The following PPP3CC variants were observed in gnomAD, a reference collection of about 807,000 sequenced individuals.
PPP3CC encodes the protein protein phosphatase 3 catalytic subunit gamma.
PPP3CC carries 35 observed loss-of-function variants against 60.3 expected under a neutral mutation model. That is an observed-to-expected ratio of 0.58 (90% CI 0.44 to 0.77). The LOEUF (loss-of-function observed/expected upper bound fraction) is 0.77. PPP3CC is among the 30% of genes least tolerant of loss of function. The probability of loss-of-function intolerance (pLI) is 0.00; values close to 1 mark genes in which losing one functional copy is unlikely to be tolerated. For missense variants in PPP3CC, 570 were observed against 628.9 expected (o/e 0.91, Z 1.00); for synonymous variants, 206 against 224.3 (o/e 0.92, Z 0.73).
intron 1 of PPP3CC, 129 bp downstream of exon 1, chr8:22,441,587 G>A: frequency 3.9e-6 from 4 of 1,034,746 alleles, no homozygotes; most frequent in Non-Finnish European, 5.1e-6. Flanking sequence ...GGTGTAGACA[G>A]AGCCGGGCGG....
intron 6 of PPP3CC, among the ~76,000 whole-genome samples, chr8:22,514,548 G>A (rs1839188128): frequency 6.6e-6 from 1 of 151,592 alleles, no homozygotes; most frequent in Non-Finnish European, 1.5e-5. Context: ...GAGATATTTT[G>A]ATATAGTCAT....
At position 22,483,097 on chromosome 8, in the gene PPP3CC, A is replaced by G. The variant is rs191758922; in HGVS notation, c.372+7473A>G. On this transcript the variant is annotated intron_variant, in intron 3 of 13. Coordinates refer to ENST00000240139, the MANE Select transcript of PPP3CC (RefSeq NM_005605.5). Reference sequence around the variant, plus strand: ...AGGTATACATTTGAGAAGTTTCAAAAAGAAACAGATTTCAGAATTAAGTAT... The same window carrying G: ...AGGTATACATTTGAGAAGTTTCAAAGAGAAACAGATTTCAGAATTAAGTAT... 1.4e-4 allele frequency among the ~76,000 whole-genome samples: 22 copies of G among 152,320 alleles called. No individual in the cohort carries two copies. The South Asian group carries it at 2.1e-3, about 14-fold the overall frequency.
intron 1 of PPP3CC, among the ~76,000 whole-genome samples, chr8:22,442,372 A>G (rs770550575): frequency 2.0e-5 from 3 of 152,236 alleles, no homozygotes; most frequent in Non-Finnish European, 4.4e-5. Flanking sequence ...GGGGAAAATT[A>G]TTAAGATACT....
chr8:22,493,367 C>G (rs1239996711), intron 3 of PPP3CC, among the ~76,000 whole-genome samples: 2 of 149,602 alleles, frequency 1.3e-5, no homozygotes, highest in East Asian at 3.9e-4. Context: ...AGTTCTTTGC[C>G]TAGTATACCA....
At chr8:22,470,282 T>C (rs1262979389) in intron 1 of PPP3CC, among the ~76,000 whole-genome samples, 1 of 152,042 alleles carries the variant, frequency 6.6e-6, no homozygotes, top group African/African-American at 2.4e-5. Context: ...CCACGATGCC[T>C]GGCCCTGCAG....
intron 3 of PPP3CC, among the ~76,000 whole-genome samples, chr8:22,484,619 G>A (rs569250548): frequency 2.6e-5 from 4 of 152,168 alleles, no homozygotes; most frequent in Non-Finnish European, 5.9e-5. Context: ...AGTTAATTGT[G>A]GAAATATGAC....
Position 22,459,890 on chromosome 8 carries a change from C to T in PPP3CC, c.50-15064C>T, listed in dbSNP as rs142872778. On this transcript the variant is annotated intron_variant, in intron 1 of 13. Transcript: ENST00000240139. ...GGTCATAGAAGGCATGAACCATAAACGCTGACAATTGGACTTTTGAAAAAT... is the reference window on the plus strand; with the variant it reads ...GGTCATAGAAGGCATGAACCATAAATGCTGACAATTGGACTTTTGAAAAAT... 5.0e-3 allele frequency among the ~76,000 whole-genome samples: 757 copies of T among 152,124 alleles called. 6 individuals carry two copies. Among genetic ancestry groups the T allele is most frequent in the African/African-American group, 0.017 (686 of 41,488 alleles).
intron 3 of PPP3CC, among the ~76,000 whole-genome samples, chr8:22,491,494 T>C (rs1838404566): frequency 6.6e-6 from 1 of 152,244 alleles, no homozygotes; most frequent in Non-Finnish European, 1.5e-5. Context: ...GAGTTTCTTA[T>C]GTGACCTTTC....
intron 1 of PPP3CC, among the ~76,000 whole-genome samples, chr8:22,455,557 TAA>T (rs1165967911): frequency 6.6e-6 from 1 of 152,250 alleles, no homozygotes; most frequent in East Asian, 1.9e-4. Context: ...GCTGGAGTAA[TAA>T]AGATAGTTGG....
chr8:22,512,289 G>A (rs932450144), intron 5 of PPP3CC, among the ~76,000 whole-genome samples: 2 of 152,142 alleles, frequency 1.3e-5, no homozygotes, highest in Non-Finnish European at 2.9e-5. Context: ...TAAGTAACCA[G>A]CATTTCTCTT....
chr8:22,501,966 A>G (rs535445799), intron 4 of PPP3CC, among the ~76,000 whole-genome samples: 7 of 152,312 alleles, frequency 4.6e-5, no homozygotes, highest in Non-Finnish European at 7.4e-5. Flanking sequence ...GTTTGAGATT[A>G]CAGTGGGCTA....
At chr8:22,461,618 C>G (rs1233037551) in intron 1 of PPP3CC, among the ~76,000 whole-genome samples, 2 of 151,928 alleles carry the variant, frequency 1.3e-5, no homozygotes, top group Non-Finnish European at 1.5e-5. Context: ...CACCAAAGAC[C>G]ACCAAGAAAA....
At chr8:22,463,540 A>C (rs1837426009) in intron 1 of PPP3CC, among the ~76,000 whole-genome samples, 1 of 152,200 alleles carries the variant, frequency 6.6e-6, no homozygotes, top group Non-Finnish European at 1.5e-5. Flanking sequence ...AACCAGCATT[A>C]TCAGAATGGA....
intron 1 of PPP3CC, among the ~76,000 whole-genome samples, chr8:22,450,911 C>T (rs1477664859): frequency 2.0e-5 from 3 of 151,298 alleles, no homozygotes; most frequent in Non-Finnish European, 4.4e-5. Context: ...CCACGGCTCA[C>T]TGAAAGCTCC....
chr8:22,513,565 C>A, intron 6 of PPP3CC, 133 bp downstream of exon 6: 2 of 1,007,114 alleles, frequency 2.0e-6, no homozygotes, highest in Non-Finnish European at 2.7e-6. Flanking sequence ...TAATAGGAGG[C>A]AAGAAACTTG....
intron 1 of PPP3CC, among the ~76,000 whole-genome samples, chr8:22,442,823 T>C (rs1239564162): frequency 6.6e-6 from 1 of 152,202 alleles, no homozygotes; most frequent in African/African-American, 2.4e-5. Flanking sequence ...ACTGTGCTGT[T>C]AATATGGCCG....
intron 1 of PPP3CC, among the ~76,000 whole-genome samples, chr8:22,466,635 G>A (rs1837530123): frequency 6.6e-6 from 1 of 152,224 alleles, no homozygotes; most frequent in Admixed American, 6.5e-5. Flanking sequence ...TTTGAGAAGT[G>A]TCTGTTCATA....
intron 10 of PPP3CC, among the ~76,000 whole-genome samples, chr8:22,529,628 C>T (rs1364975063): frequency 3.9e-5 from 6 of 152,038 alleles, no homozygotes; most frequent in East Asian, 1.9e-4. Flanking sequence ...GGATTATAGG[C>T]GCGTGCCACC....
chr8:22,504,392 CCTGGG>C (rs1252757824), intron 4 of PPP3CC, among the ~76,000 whole-genome samples: 1 of 152,046 alleles, frequency 6.6e-6, no homozygotes, highest in East Asian at 1.9e-4. Flanking sequence ...ACTTTGAACT[CCTGGG>C]CTTAAGTGAT....
Sources: gnomAD v4.1 joint callset for allele counts (sites outside exome capture counted in the v4.1 genomes callset) on GRCh38, gnomAD v4.1.1 for gene constraint, MANE v1.5 for transcripts, NCBI Gene and HGNC (gene_info 2026-07-23, HGNC 2026-07-21) for gene names.